Variants in DGKI observed in about 807,000 individuals in gnomAD.
The protein encoded by DGKI is diacylglycerol kinase iota.
Under a neutral mutation model 147.5 loss-of-function variants are expected in DGKI, and 55 were observed. That is an observed-to-expected ratio of 0.37 (90% confidence interval 0.30 to 0.47). DGKI has a LOEUF of 0.47. DGKI is among the 20% of genes least tolerant of loss of function. The pLI is 1.00. For missense variants in DGKI, 1,007 were observed against 1,323.8 expected (o/e 0.76, Z 3.71); for synonymous variants, 469 against 477.1 (o/e 0.98, Z 0.22).
intron 20 of DGKI, among the ~76,000 whole-genome samples, chr7:137,549,667 T>C (rs1208897097): frequency 6.6e-6 from 1 of 152,218 alleles, no homozygotes; most frequent in Non-Finnish European, 1.5e-5. Context: ...CAATTGATGG[T>C]CAAAGCAGAC....
At chr7:137,508,273 G>A (rs1816442571) in intron 21 of DGKI, among the ~76,000 whole-genome samples, 2 of 142,418 alleles carry the variant, frequency 1.4e-5, no homozygotes, top group Admixed American at 1.5e-4. Context: ...TGTTGCCCAG[G>A]CTGGAGTGCA....
chr7:137,690,855 GA>G (rs200806211), intron 1 of DGKI, among the ~76,000 whole-genome samples: 4 of 150,426 alleles, frequency 2.7e-5, no homozygotes, highest in Admixed American at 1.3e-4. Flanking sequence ...GCAAGAAGAA[GA>G]AAAAAAAAGC....
In DGKI at chr7:137,385,936, A is replaced by G. The variant is rs1050923710; in HGVS notation, c.*5284T>C. On this transcript the variant is annotated 3_prime_UTR_variant, in exon 33 of 33. Transcript: ENST00000614521. Reference sequence around the variant, plus strand: ...CTTCATGAAATCAAGAGTTTTGTCTATTACATTCATTGTTATATCCTTAGT... The same window carrying G: ...CTTCATGAAATCAAGAGTTTTGTCTGTTACATTCATTGTTATATCCTTAGT... 3.3e-5 allele frequency: 5 copies of G among 152,232 alleles called. No homozygotes were observed. The highest frequency in any genetic ancestry group is 4.8e-5 in the African/African-American group (2 of 41,562). The allele number at this position is 152,232 out of a possible 1,614,324, so 9.4% of individuals were successfully genotyped here. A position where few individuals can be genotyped will look rare whatever the true frequency, so the allele number is the denominator to read the frequency against.
chr7:137,712,613 A>G lies in DGKI; in HGVS notation c.402-22611T>C, dbSNP rs758630495. Among the ~76,000 whole-genome samples the G allele has an allele frequency of 2.9e-4, 44 of 152,308 alleles. No homozygotes were observed. In the Middle Eastern group the frequency reaches 0.014, roughly 47 times the overall value. On this transcript the variant is annotated intron_variant, in intron 1 of 32. Transcript: ENST00000614521. Reference sequence around the variant, plus strand: ...CCCAATAGCAAATGGTATTTAACTGAGATTCCAGTATCTTGTTTAAAGCAT... The same window carrying G: ...CCCAATAGCAAATGGTATTTAACTGGGATTCCAGTATCTTGTTTAAAGCAT...
At chr7:137,406,598 A>G (rs1249273866) in intron 30 of DGKI, among the ~76,000 whole-genome samples, 1 of 152,172 alleles carries the variant, frequency 6.6e-6, no homozygotes, top group Non-Finnish European at 1.5e-5. Flanking sequence ...GTCTAACGTG[A>G]TTGATAGTTT....
intron 6 of DGKI, among the ~76,000 whole-genome samples, chr7:137,634,934 T>C (rs374610498): frequency 6.6e-6 from 1 of 152,080 alleles, no homozygotes; most frequent in African/African-American, 2.4e-5. Flanking sequence ...TGGCTTGACA[T>C]AGAATATATA....
rs1318726968 is a variant in DGKI at position 137,701,034 on chromosome 7, TG to T, written c.402-11033del. On this transcript the variant is annotated intron_variant, in intron 1 of 32. Transcript: ENST00000614521. ...GTCTATATTCCTATCATATGGCCTT[TG>T]TTCATCCTATCCAGTTCGGCCTGCA... Among the ~76,000 whole-genome samples, 4 of 152,204 alleles carry T rather than the reference TG, an allele frequency of 2.6e-5. No individual in the cohort carries two copies. The East Asian group carries it at 7.7e-4, about 29-fold the overall frequency.
intron 1 of DGKI, among the ~76,000 whole-genome samples, chr7:137,720,316 G>C (rs981463000): frequency 7.3e-6 from 1 of 137,506 alleles, no homozygotes. Context: ...GGACTGCAGT[G>C]GTGCGATCTC....
intron 6 of DGKI, among the ~76,000 whole-genome samples, chr7:137,644,418 G>A (rs962995859): frequency 2.0e-5 from 3 of 152,164 alleles, no homozygotes; most frequent in African/African-American, 7.2e-5. Flanking sequence ...AATGGTTACA[G>A]CATATTTTCT....
At chr7:137,450,358 T>C (rs1813904463) in intron 27 of DGKI, among the ~76,000 whole-genome samples, 2 of 152,204 alleles carry the variant, frequency 1.3e-5, no homozygotes, top group Non-Finnish European at 2.9e-5. Flanking sequence ...AATGGTTATA[T>C]ATATTTCACA....
At chr7:137,733,081 A>G (rs956002026) in intron 1 of DGKI, among the ~76,000 whole-genome samples, 2 of 151,868 alleles carry the variant, frequency 1.3e-5, no homozygotes, top group Admixed American at 1.3e-4. Context: ...TTTTTTGGTA[A>G]AATACATATA....
intron 24 of DGKI, among the ~76,000 whole-genome samples, chr7:137,468,037 T>G (rs906913556): frequency 4.6e-5 from 7 of 151,302 alleles, no homozygotes; most frequent in Admixed American, 3.3e-4. Flanking sequence ...GCTTCTCACT[T>G]AAATCTATCT....
intron 1 of DGKI, among the ~76,000 whole-genome samples, chr7:137,799,024 T>A (rs1797116689): frequency 6.6e-6 from 1 of 152,194 alleles, no homozygotes; most frequent in African/African-American, 2.4e-5. Context: ...AAAGGACATC[T>A]ATTTTTTTAA....
intron 6 of DGKI, among the ~76,000 whole-genome samples, chr7:137,643,405 T>A (rs1295718838): frequency 6.6e-6 from 1 of 151,878 alleles, no homozygotes; most frequent in Non-Finnish European, 1.5e-5. Context: ...TTACTTAATC[T>A]GTAAATGGAA....
intron 20 of DGKI, among the ~76,000 whole-genome samples, chr7:137,524,162 T>G (rs1489478026): frequency 6.6e-6 from 1 of 152,108 alleles, no homozygotes; most frequent in African/African-American, 2.4e-5. Flanking sequence ...TACAAATGAA[T>G]GTGTAGGTCT....
At position 137,411,185 on chromosome 7, in the gene DGKI, G is replaced by A. The variant is rs183140568; in HGVS notation, c.2799+985C>T. 1.2e-4 allele frequency among the ~76,000 whole-genome samples: 18 copies of A among 152,342 alleles called. No individual in the cohort carries two copies. The East Asian group carries it at 1.5e-3, about 13-fold the overall frequency. ...CACTCCACAGGCTGAGGAGTCAGGC[G>A]TAGCCTCTGCCTTCAGGCAGCTGTC... On this transcript the variant is annotated intron_variant, in intron 29 of 32. Transcript: ENST00000614521.
intron 1 of DGKI, among the ~76,000 whole-genome samples, chr7:137,737,514 A>C (rs541542452): frequency 6.8e-6 from 1 of 146,412 alleles, no homozygotes; most frequent in East Asian, 2.0e-4. Flanking sequence ...CGTTTTATTA[A>C]AAAAAAAAAA....
intron 1 of DGKI, among the ~76,000 whole-genome samples, chr7:137,701,021 A>G (rs1823963762): frequency 1.3e-5 from 2 of 152,214 alleles, no homozygotes; most frequent in Non-Finnish European, 2.9e-5. Flanking sequence ...CTATATTCCT[A>G]TCATATGGCC....
At chr7:137,730,206 C>A (rs1240620467) in intron 1 of DGKI, among the ~76,000 whole-genome samples, 1 of 152,102 alleles carries the variant, frequency 6.6e-6, no homozygotes, top group African/African-American at 2.4e-5. Flanking sequence ...CTAAGTTAAA[C>A]TACCTCCTGT....
Sources: allele counts gnomAD v4.1 joint callset (sites outside exome capture counted in the v4.1 genomes callset), GRCh38; gene constraint gnomAD v4.1.1; transcripts MANE v1.5; gene names NCBI Gene and HGNC (gene_info 2026-07-23, HGNC 2026-07-21).